DFFA: variants seen among roughly 807,000 people sequenced by gnomAD.
DFFA encodes the protein DNA fragmentation factor subunit alpha.
In DFFA, 14 loss-of-function variants were observed where a neutral mutation model predicts 28.0. The observed-to-expected ratio is 0.50, with a 90% CI of 0.33 to 0.78. The LOEUF is 0.78. Among genes scored for constraint, DFFA ranks in the 30% least tolerant of loss-of-function variants. The probability of loss-of-function intolerance (pLI) is 0.02; values close to 1 mark genes in which losing one functional copy is unlikely to be tolerated. For missense variants in DFFA, 395 were observed against 407.1 expected (o/e 0.97, Z 0.26); for synonymous variants, 158 against 170.3 (o/e 0.93, Z 0.56).
At position 10,458,534 on chromosome 1, in the gene DFFA, A is replaced by C. The variant is rs1351376159; in HGVS notation, c.*2956T>G. ...CATCTTTACCCTAGGACTTATTGTG[A>C]TTTTCTTTTTTTTTTTTTTTTAAAG... On this transcript the variant is annotated 3_prime_UTR_variant, in exon 6 of 6. Transcript: ENST00000377038. The C allele has an allele frequency of 7.4e-6, 1 of 134,662 alleles. No individual in the cohort carries two copies. The highest frequency in any genetic ancestry group is 2.8e-5 in the African/African-American group (1 of 35,456). 8.3% of individuals were successfully genotyped at this position (134,662 alleles called of 1,614,324 possible).
chr1:10,461,871 T>G, intron 5 of DFFA, 169 bp from the exon 6 acceptor site: 1 of 985,454 alleles, frequency 1.0e-6, no homozygotes, highest in African/African-American at 1.7e-5. Flanking sequence ...TTTTTGTTTT[T>G]TGAGACGGAG....
In DFFA at chr1:10,472,507, G is replaced by C. The variant is rs758808475; in HGVS notation, c.-49C>G. On this transcript the variant is annotated 5_prime_UTR_variant, in exon 1 of 6. Transcript: ENST00000377038. The surrounding 1 kb of genome is among the most constrained non-coding windows in gnomAD (Gnocchi z 5.0). The stretch of plus-strand genomic sequence containing the variant: ...ACCTTCGAGAAGTCGCGGGAGGCCG[G>C]AGCGGCGGTCCTTCTACTCGACCCC... 4.3e-5 allele frequency: 66 copies of C among 1,546,258 alleles called. No homozygotes were observed. In the South Asian group the frequency reaches 7.3e-4, roughly 17 times the overall value.
chr1:10,469,667 T>A (rs187266295), intron 1 of DFFA, among the ~76,000 whole-genome samples: 2 of 152,148 alleles, frequency 1.3e-5, no homozygotes, highest in East Asian at 3.9e-4. Flanking sequence ...ATTATAGGCG[T>A]GCACCACCAT....
intron 4 of DFFA, 51 bp from the exon 5 acceptor site, chr1:10,463,260 A>G: frequency 1.3e-6 from 2 of 1,595,074 alleles, no homozygotes; most frequent in Non-Finnish European, 1.7e-6. Flanking sequence ...CCACACAGCC[A>G]CATGAACAAC....
intron 1 of DFFA, among the ~76,000 whole-genome samples, chr1:10,469,645 C>T (rs951256868): frequency 2.0e-5 from 3 of 152,024 alleles, no homozygotes; most frequent in East Asian, 3.9e-4. Context: ...CTCAGCCTCC[C>T]GAGTAGTTGG....
chr1:10,457,416 T>C lies in DFFA; in HGVS notation c.*4074A>G, dbSNP rs920516333. ...GCCAGGCGTGGTGGCTCACCACCTATACTCCCAGCACTTTGGGAGGCCAAG... is the reference window on the plus strand; with the variant it reads ...GCCAGGCGTGGTGGCTCACCACCTACACTCCCAGCACTTTGGGAGGCCAAG... On this transcript the variant is annotated 3_prime_UTR_variant, in exon 6 of 6. Transcript: ENST00000377038. 7 of 152,314 alleles carry C rather than the reference T, an allele frequency of 4.6e-5. No individual in the cohort carries two copies. The highest frequency in any genetic ancestry group is 1.0e-4 in the Non-Finnish European group (7 of 68,170). 9.4% of individuals were successfully genotyped at this position (152,314 alleles called of 1,614,324 possible).
chr1:10,463,706 C>T (rs1431110925), intron 3 of DFFA, 86 bp from the exon 4 acceptor site: 1 of 1,398,226 alleles, frequency 7.2e-7, no homozygotes, highest in East Asian at 2.4e-5. Context: ...GCTCTGTTGC[C>T]CAGGCTGGAG....
intron 1 of DFFA, among the ~76,000 whole-genome samples, chr1:10,470,948 A>AGCTACTCG (rs1641089119): frequency 6.7e-6 from 1 of 149,986 alleles, no homozygotes; most frequent in Non-Finnish European, 1.5e-5. Context: ...CTGTAGTCCC[A>AGCTACTCG]GCTACTCGGG....
At chr1:10,469,406 C>G in intron 1 of DFFA, 68 bp from the exon 2 acceptor site, 2 of 1,450,264 alleles carry the variant, frequency 1.4e-6, no homozygotes, top group Non-Finnish European at 1.9e-6. Context: ...CCCTGCATCT[C>G]AAGTATGTAT....
At position 10,472,358 on chromosome 1, in the gene DFFA, A is replaced by C; in HGVS notation, c.101T>G (p.Val34Gly). 6.2e-7 allele frequency: 1 copy of C among 1,609,446 alleles called. No homozygotes were observed. The highest frequency in any genetic ancestry group is 1.7e-5 in the Admixed American group (1 of 59,674). Residue 34 changes from valine to glycine, a missense_variant, in exon 1 of 6, where the codon GTG (valine) becomes GGG (glycine). Physicochemically the swap from Val to Gly is moderately radical, Grantham distance 109. Coordinates refer to ENST00000377038, the MANE Select transcript of DFFA (RefSeq NM_004401.3). This position sits in a 1 kb window ranked among gnomAD's most constrained non-coding sequence, Gnocchi z 5.0. ...RRNYSREQHGVAASCLEDLRS... is the reference protein window; with the variant it reads ...RRNYSREQHGGAASCLEDLRS... ...CAGGTCTTCGAGGCAGGAGGCGGCC[A>C]CGCCGTGCTGTTCGCGGCTGTAGTT...
chr1:10,472,498 G>T lies in DFFA; in HGVS notation c.-40C>A, dbSNP rs756206412. The T allele has an allele frequency of 7.1e-6, 11 of 1,552,556 alleles. No individual in the cohort carries two copies. In the East Asian group the frequency reaches 2.4e-4, roughly 34 times the overall value. ...GACCTGCCCACCTTCGAGAAGTCGC[G>T]GGAGGCCGGAGCGGCGGTCCTTCTA... On this transcript the variant is annotated 5_prime_UTR_variant, in exon 1 of 6. Coordinates refer to ENST00000377038, the MANE Select transcript of DFFA (RefSeq NM_004401.3). The surrounding 1 kb of genome is among the most constrained non-coding windows in gnomAD (Gnocchi z 5.0).
rs1057017 is a variant in DFFA at position 10,469,292 on chromosome 1, C to G, written c.183G>C (p.Leu61=). The change falls in exon 2 of 6, where the codon CTG becomes CTC. Residue 61 remains leucine, a synonymous_variant. Coordinates refer to ENST00000377038, the MANE Select transcript of DFFA (RefSeq NM_004401.3). ...CTATGGTGCCATCCTCTGCCAGGACCAGGGTGACTGGTGTCAGGGACTTAT... is the reference window on the plus strand; with the variant it reads ...CTATGGTGCCATCCTCTGCCAGGACGAGGGTGACTGGTGTCAGGGACTTAT... ...AIDKSLTPVT[L]VLAEDGTIVD... 1 of 1,614,160 alleles carries G rather than the reference C, an allele frequency of 6.2e-7. No individual in the cohort carries two copies.
In DFFA at chr1:10,468,128, CTT is replaced by C. The variant is rs57035535; in HGVS notation, c.299-798_299-797del. Among the ~76,000 whole-genome samples the C allele has an allele frequency of 5.9e-3, 884 of 148,584 alleles. 6 individuals carry two copies. The highest frequency in any genetic ancestry group is 8.3e-3 in the Non-Finnish European group (555 of 67,112). On this transcript the variant is annotated intron_variant, in intron 2 of 5. Transcript: ENST00000377038. ...CAATTTTGTGGCACACTTCAGGACA[CTT>C]TTTTTTTTTTTAAGTCCCTCCCTAA...
chr1:10,466,073 AG>A (rs1351821811), intron 3 of DFFA, among the ~76,000 whole-genome samples: 2 of 152,036 alleles, frequency 1.3e-5, no homozygotes, highest in South Asian at 2.1e-4. Context: ...GCTTGAGCCC[AG>A]GAAGTCGAGG....
intron 5 of DFFA, among the ~76,000 whole-genome samples, chr1:10,462,091 C>T (rs1228975300): frequency 6.6e-6 from 1 of 152,202 alleles, no homozygotes; most frequent in Non-Finnish European, 1.5e-5. Context: ...ATCTCCTGAC[C>T]TTGTGATCCG....
At chr1:10,464,023 A>G (rs575300833) in intron 3 of DFFA, among the ~76,000 whole-genome samples, 3 of 151,986 alleles carry the variant, frequency 2.0e-5, no homozygotes, top group East Asian at 3.9e-4. Flanking sequence ...TCAGAACTCA[A>G]TGCATCCATT....
chr1:10,465,468 CT>C (rs1641007925), intron 3 of DFFA, among the ~76,000 whole-genome samples: 2 of 151,586 alleles, frequency 1.3e-5, no homozygotes, highest in Non-Finnish European at 2.9e-5. Context: ...ATTTCACCAT[CT>C]TGGCCAAGCT....
Position 10,472,500 on chromosome 1 carries a change from G to A in DFFA, c.-42C>T, listed in dbSNP as rs1570114128. ...CCTGCCCACCTTCGAGAAGTCGCGG[G>A]AGGCCGGAGCGGCGGTCCTTCTACT... On this transcript the variant is annotated 5_prime_UTR_variant, in exon 1 of 6. Coordinates refer to ENST00000377038, the MANE Select transcript of DFFA (RefSeq NM_004401.3). The surrounding 1 kb of genome is among the most constrained non-coding windows in gnomAD (Gnocchi z 5.0). 6.4e-7 allele frequency: 1 copy of A among 1,554,572 alleles called. No individual in the cohort carries two copies. Among genetic ancestry groups the A allele is most frequent in the Admixed American group, 1.9e-5 (1 of 53,424 alleles).
chr1:10,467,415 G>C, intron 2 of DFFA, 83 bp from the exon 3 acceptor site: 1 of 1,449,518 alleles, frequency 6.9e-7, no homozygotes, highest in Non-Finnish European at 9.7e-7. Flanking sequence ...CAGACCTCTT[G>C]AGGATCTAGA....
Sources: gnomAD v4.1 joint callset for allele counts (sites outside exome capture counted in the v4.1 genomes callset) on GRCh38, gnomAD v4.1.1 for gene constraint, Gnocchi (gnomAD v3.1) non-coding constraint, MANE v1.5 for transcripts, NCBI Gene and HGNC (gene_info 2026-07-23, HGNC 2026-07-21) for gene names.